Variants in TOPAZ1 observed in about 807,000 individuals in gnomAD.
The protein encoded by TOPAZ1 is protein TOPAZ1.
In TOPAZ1, 66 loss-of-function variants were observed where a neutral mutation model predicts 172.2. The ratio of observed to expected loss-of-function variants is 0.38; its 90% confidence interval spans 0.31 to 0.47. TOPAZ1 has a LOEUF of 0.47. TOPAZ1 is among the 20% of genes least tolerant of loss of function. The pLI, the probability that TOPAZ1 is intolerant of heterozygous loss-of-function variation, is 0.99. For synonymous variants in TOPAZ1, 681 were observed against 683.9 expected (o/e 1.00, Z 0.07); for missense variants, 1,822 against 1,972.4 (o/e 0.92, Z 1.44).
Position 44,242,977 on chromosome 3 carries a change from G to A in TOPAZ1, c.471G>A (p.Leu157=), listed in dbSNP as rs1241165272. The change falls in exon 2 of 20, where the codon TTG becomes TTA. Residue 157 remains leucine (L), a synonymous_variant. Coordinates refer to ENST00000309765, the MANE Select transcript of TOPAZ1 (RefSeq NM_001145030.2). ...SFQTVECLQS[L]GKESIIEGIK... is the part of the protein sequence containing the mutation. ...AAACAGTGGAATGCTTGCAGTCTTT[G>A]GGTAAGGAAAGTATAATAGAAGGTA... 1.3e-6 allele frequency: 2 copies of A among 1,550,696 alleles called. No individual in the cohort carries two copies. The highest frequency in any genetic ancestry group is 1.7e-6 in the Non-Finnish European group (2 of 1,146,788).
chr3:44,324,331 T>C (rs1700573704), intron 18 of TOPAZ1, among the ~76,000 whole-genome samples: 1 of 152,146 alleles, frequency 6.6e-6, no homozygotes, highest in African/African-American at 2.4e-5. Context: ...AATTGTTTGT[T>C]CATAACACCT....
chr3:44,298,411 T>C (rs1700223782), intron 12 of TOPAZ1, among the ~76,000 whole-genome samples: 1 of 152,094 alleles, frequency 6.6e-6, no homozygotes, highest in African/African-American at 2.4e-5. Context: ...TGAGCCGTGA[T>C]TGCACCACTG....
At chr3:44,303,744 G>C (rs1476949108) in intron 12 of TOPAZ1, among the ~76,000 whole-genome samples, 1 of 151,966 alleles carries the variant, frequency 6.6e-6, no homozygotes, top group Non-Finnish European at 1.5e-5. Context: ...AGTTATTTTT[G>C]AAGTTTTGAC....
Position 44,321,007 on chromosome 3 carries a change from TA to T in TOPAZ1, c.4307-19del. On this transcript the variant is annotated intron_variant, in intron 16 of 19. Coordinates refer to ENST00000309765, the MANE Select transcript of TOPAZ1 (RefSeq NM_001145030.2). ...TCATTTTCATGGTATAAACTATTCA[TA>T]TTTTTTTCTTTTTGGAAGAGTCAGA... 6.7e-7 allele frequency: 1 copy of T among 1,488,858 alleles called. No homozygotes were observed. Among genetic ancestry groups the T allele is most frequent in the Non-Finnish European group, 9.1e-7 (1 of 1,100,294 alleles). 92.2% of individuals were successfully genotyped at this position (1,488,858 alleles called of 1,614,324 possible).
chr3:44,243,042 A>T lies in TOPAZ1; in HGVS notation c.536A>T (p.Glu179Val). ...CGAAATAAAAAACTTAAAAGCTTAG[A>T]AAACCCACCTCTCAAAATAACCGAA... ...RIRNKKLKSL[E>V]NPPLKITENE... Residue 179 changes from glutamate (E) to valine (V), a missense_variant, in exon 2 of 20, where the codon GAA (glutamate) becomes GTA (valine). Physicochemically the swap from Glu to Val is moderately radical, Grantham distance 121. Around this residue, in one of 2 missense-constraint regions of TOPAZ1, gnomAD observed 1,489 missense variants for 1,490.8 expected, o/e 1.00. Transcript: ENST00000309765. 1 of 1,541,944 alleles carries T rather than the reference A, an allele frequency of 6.5e-7. No homozygotes were observed.
At position 44,243,189 on chromosome 3, in the gene TOPAZ1, A is replaced by T; in HGVS notation, c.683A>T (p.Asp228Val). The T allele has an allele frequency of 1.3e-6, 2 of 1,548,504 alleles. No individual in the cohort carries two copies. Among genetic ancestry groups the T allele is most frequent in the Non-Finnish European group, 1.7e-6 (2 of 1,145,982 alleles). ...VENNSVLKLR[D>V]CNCFPHSKGC... The stretch of plus-strand genomic sequence containing the variant: ...AATAATTCCGTTTTAAAATTACGTG[A>T]TTGCAATTGTTTCCCCCATTCCAAG... Residue 228 changes from aspartate to valine, a missense_variant, in exon 2 of 20, where the codon GAT becomes GTT. Asp to Val is a radical substitution (Grantham distance 152, BLOSUM62 -3). Around this residue, in one of 2 missense-constraint regions of TOPAZ1, gnomAD observed 1,489 missense variants for 1,490.8 expected, o/e 1.00. Coordinates refer to ENST00000309765, the MANE Select transcript of TOPAZ1 (RefSeq NM_001145030.2).
intron 9 of TOPAZ1, among the ~76,000 whole-genome samples, chr3:44,286,953 G>A (rs1459509501): frequency 6.6e-6 from 1 of 152,206 alleles, no homozygotes; most frequent in Non-Finnish European, 1.5e-5. Context: ...GCAGGGAGAA[G>A]TTAAAAATAA....
At chr3:44,287,940 G>T in intron 11 of TOPAZ1, 101 bp downstream of exon 11, 1 of 617,054 alleles carries the variant, frequency 1.6e-6, no homozygotes, top group Non-Finnish European at 2.8e-6. Context: ...TTCACATTCT[G>T]GATGCCAAAG....
intron 5 of TOPAZ1, among the ~76,000 whole-genome samples, chr3:44,263,701 C>A (rs1202527458): frequency 6.6e-6 from 1 of 152,084 alleles, no homozygotes; most frequent in African/African-American, 2.4e-5. Flanking sequence ...AAAACACAAG[C>A]TGAAAAACTT....
rs1351728640 is a variant in TOPAZ1 at position 44,242,397 on chromosome 3, A to G, written c.344A>G (p.His115Arg). Residue 115 changes from histidine to arginine, a missense_variant and splice_region_variant, in exon 1 of 20, where the codon CAC becomes CGC. By Grantham distance (29) the His-to-Arg change is conservative. Around this residue, in one of 2 missense-constraint regions of TOPAZ1, gnomAD observed 1,489 missense variants for 1,490.8 expected, o/e 1.00. Coordinates refer to ENST00000309765, the MANE Select transcript of TOPAZ1 (RefSeq NM_001145030.2). Reference sequence around the variant, plus strand: ...GAACTCCCCTTGCAAACGGAAAGACACAGTAAGAAAGCATCCACGATCACT... The same window carrying G: ...GAACTCCCCTTGCAAACGGAAAGACGCAGTAAGAAAGCATCCACGATCACT... Reference protein sequence around the residue: ...EAELPLQTERHTKEKRKVTEA... With the variant: ...EAELPLQTERRTKEKRKVTEA... 1.3e-6 allele frequency: 2 copies of G among 1,552,198 alleles called. No individual in the cohort carries two copies. Among genetic ancestry groups the G allele is most frequent in the African/African-American group, 1.4e-5 (1 of 73,042 alleles).
intron 17 of TOPAZ1, 108 bp downstream of exon 17, chr3:44,321,299 ATT>A: frequency 2.7e-6 from 2 of 749,700 alleles, no homozygotes; most frequent in Non-Finnish European, 4.0e-6. Context: ...ATTCCAGCAT[ATT>A]TTTTAATGAA....
At chr3:44,298,934 TCC>T (rs1332020621) in intron 12 of TOPAZ1, among the ~76,000 whole-genome samples, 1 of 53,298 alleles carries the variant, frequency 1.9e-5, no homozygotes, top group Non-Finnish European at 3.7e-5. Context: ...TTTTTTTTTT[TCC>T]CCCTGAGATA....
chr3:44,254,404 G>T (rs557386481), intron 2 of TOPAZ1, among the ~76,000 whole-genome samples: 5 of 152,190 alleles, frequency 3.3e-5, no homozygotes, highest in African/African-American at 1.2e-4. Context: ...AAGGCCAATG[G>T]ATCACCTGAG....
At chr3:44,274,113 CTTTTT>C (rs377497030) in intron 8 of TOPAZ1, among the ~76,000 whole-genome samples, 1 of 141,536 alleles carries the variant, frequency 7.1e-6, no homozygotes, top group Non-Finnish European at 1.5e-5. Context: ...AACCCTGTCT[CTTTTT>C]TTTTTTTTTG....
At chr3:44,319,206 C>G (rs1401180846) in intron 16 of TOPAZ1, among the ~76,000 whole-genome samples, 4 of 152,254 alleles carry the variant, frequency 2.6e-5, no homozygotes, top group Non-Finnish European at 5.9e-5. Flanking sequence ...ATTGGCAACA[C>G]TGAACAGGTT....
chr3:44,326,443 G>A (rs756750454), intron 18 of TOPAZ1, among the ~76,000 whole-genome samples: 16 of 151,784 alleles, frequency 1.1e-4, no homozygotes, highest in Non-Finnish European at 8.8e-5. Flanking sequence ...TTGGTCATTC[G>A]TATATTTTCT....
chr3:44,298,900 T>TATATATA (rs1203271353), intron 12 of TOPAZ1, among the ~76,000 whole-genome samples: 2 of 10,294 alleles, frequency 1.9e-4, no homozygotes, highest in Non-Finnish European at 3.1e-4. Flanking sequence ...ATTATATATA[T>TATATATA]ATATATATAT....
chr3:44,315,078 G>A (rs1006521101), intron 16 of TOPAZ1, among the ~76,000 whole-genome samples: 1 of 151,172 alleles, frequency 6.6e-6, no homozygotes, highest in African/African-American at 2.4e-5. Flanking sequence ...CTGGCACAGA[G>A]TAAATATTTA....
At chr3:44,270,981 C>T (rs1479381936) in intron 8 of TOPAZ1, among the ~76,000 whole-genome samples, 171 bp downstream of exon 8, 2 of 151,992 alleles carry the variant, frequency 1.3e-5, no homozygotes, top group Admixed American at 6.6e-5. Context: ...TTCTTTTGCT[C>T]GATATTTTTG....
Sources: allele counts gnomAD v4.1 joint callset (sites outside exome capture counted in the v4.1 genomes callset), GRCh38; gene constraint gnomAD v4.1.1; regional missense constraint gnomAD v4.1.1; transcripts MANE v1.5; gene names NCBI Gene and HGNC (gene_info 2026-07-23, HGNC 2026-07-21).